STRIP2: variants seen among roughly 807,000 people sequenced by gnomAD.
STRIP2 encodes the protein striatin-interacting protein 2.
STRIP2 carries 84 observed loss-of-function variants against 107.1 expected under a neutral mutation model. That is an observed-to-expected ratio of 0.78 (90% CI 0.66 to 0.94). The LOEUF is 0.94. STRIP2 is among the 40% of genes least tolerant of loss of function. STRIP2 has a pLI of 0.00. For missense variants in STRIP2, 888 were observed against 1,034.2 expected (o/e 0.86, Z 1.94); for synonymous variants, 394 against 400.4 (o/e 0.98, Z 0.19).
At chr7:129,484,780 C>T (rs1799205743) in intron 20 of STRIP2, 8 of 152,140 alleles carry the variant, frequency 5.3e-5, no homozygotes, top group Admixed American at 5.2e-4. Flanking sequence ...TTTTAAAACA[C>T]AAAAATGTTT....
chr7:129,447,370 G>T (rs1798065064), intron 3 of STRIP2, among the ~76,000 whole-genome samples: 1 of 152,164 alleles, frequency 6.6e-6, no homozygotes, highest in Non-Finnish European at 1.5e-5. Flanking sequence ...ATCTCAACAG[G>T]TCCCACAGCA....
At chr7:129,474,306 A>G (rs562279200) in intron 18 of STRIP2, among the ~76,000 whole-genome samples, 1 of 152,124 alleles carries the variant, frequency 6.6e-6, no homozygotes, top group South Asian at 2.1e-4. Flanking sequence ...ATGCTTGGCT[A>G]ATTTTTAAAT....
chr7:129,434,446 C>T lies in STRIP2; in HGVS notation c.-27C>T, dbSNP rs974079812. ...GTCGCCTCCGGCAAAGCGAGCTGAA[C>T]CCTGAGGGGAGCCGCTGACCAGCAG... On this transcript the variant is annotated 5_prime_UTR_variant, in exon 1 of 21. Coordinates refer to ENST00000249344, the MANE Select transcript of STRIP2 (RefSeq NM_020704.3). The T allele has an allele frequency of 2.0e-6, 3 of 1,489,422 alleles. No individual in the cohort carries two copies. Among genetic ancestry groups the T allele is most frequent in the African/African-American group, 1.5e-5 (1 of 68,708 alleles). The allele number at this position is 1,489,422 out of a possible 1,614,324, so 92.3% of individuals were successfully genotyped here. A position where few individuals can be genotyped will look rare whatever the true frequency, so the allele number is the denominator to read the frequency against.
At position 129,451,649 on chromosome 7, in the gene STRIP2, C is replaced by T; in HGVS notation, c.311C>T (p.Ala104Val). 1 of 1,614,050 alleles carries T rather than the reference C, an allele frequency of 6.2e-7. No individual in the cohort carries two copies. ...GAATGGCTGGAGTTGGAAGAAGATGCCCAAAAGGCCTATATAATGGGACTC... is the reference window on the plus strand; with the variant it reads ...GAATGGCTGGAGTTGGAAGAAGATGTCCAAAAGGCCTATATAATGGGACTC... ...GKEWLELEEDAQKAYIMGLLD... is the reference protein window; with the variant it reads ...GKEWLELEEDVQKAYIMGLLD... The change falls in exon 4 of 21, where the codon GCC becomes GTC. Residue 104 changes from alanine to valine, a missense_variant. By Grantham distance (64) the Ala-to-Val change is moderately conservative. Coordinates refer to ENST00000249344, the MANE Select transcript of STRIP2 (RefSeq NM_020704.3).
intron 7 of STRIP2, among the ~76,000 whole-genome samples, chr7:129,454,988 T>C (rs1213977915): frequency 6.6e-6 from 1 of 152,256 alleles, no homozygotes; most frequent in African/African-American, 2.4e-5. Flanking sequence ...TTCATTATTG[T>C]TACTTCTAGT....
At chr7:129,450,318 G>T (rs866365314) in intron 3 of STRIP2, among the ~76,000 whole-genome samples, 6 of 152,104 alleles carry the variant, frequency 3.9e-5, no homozygotes, top group Non-Finnish European at 7.4e-5. Context: ...TAACCATGTA[G>T]CCTTTCCTTC....
chr7:129,451,700 G>A lies in STRIP2; in HGVS notation c.362G>A (p.Arg121Lys), dbSNP rs1554375611. ...GLLDRLEVVS[R>K]ERRLKVARAV... The stretch of plus-strand genomic sequence containing the variant: ...TTGGACCGGCTAGAGGTGGTCAGTA[G>A]GGAACGGCGGCTGAAGGTGGCCCGG... Residue 121 changes from arginine to lysine, a missense_variant, in exon 4 of 21, where the codon AGG (arginine) becomes AAG (lysine). Physicochemically the swap from Arg to Lys is conservative, Grantham distance 26. Coordinates refer to ENST00000249344, the MANE Select transcript of STRIP2 (RefSeq NM_020704.3). 6.2e-7 allele frequency: 1 copy of A among 1,614,092 alleles called. No homozygotes were observed. The highest frequency in any genetic ancestry group is 8.5e-7 in the Non-Finnish European group (1 of 1,180,038).
chr7:129,473,537 A>G (rs998693710), intron 18 of STRIP2, among the ~76,000 whole-genome samples: 2 of 151,876 alleles, frequency 1.3e-5, no homozygotes, highest in Non-Finnish European at 2.9e-5. Context: ...ATGCCAGGCT[A>G]ATTTTTGTAT....
intron 16 of STRIP2, among the ~76,000 whole-genome samples, chr7:129,465,975 T>C (rs1798662172): frequency 6.6e-6 from 1 of 152,244 alleles, no homozygotes; most frequent in South Asian, 2.1e-4. Context: ...TCCACTTTCA[T>C]ACATTCGAAG....
At chr7:129,480,611 G>A (rs1350958834) in intron 18 of STRIP2, among the ~76,000 whole-genome samples, 174 bp from the exon 19 acceptor site, 1 of 152,164 alleles carries the variant, frequency 6.6e-6, no homozygotes, top group Non-Finnish European at 1.5e-5. Flanking sequence ...GCAGCTGAGG[G>A]GGTTTTTAAA....
In STRIP2 at chr7:129,464,789, T is replaced by C. The variant is rs373688838; in HGVS notation, c.1776+51T>C. ...CAGGTCTTGGGTGTTTGCCAGGCCC[T>C]ATCTCTCAAAGGAAGGATGCAAAGT... On this transcript the variant is annotated intron_variant, in intron 16 of 20. Coordinates refer to ENST00000249344, the MANE Select transcript of STRIP2 (RefSeq NM_020704.3). 14 of 1,611,472 alleles carry C rather than the reference T, an allele frequency of 8.7e-6. No homozygotes were observed. In the African/African-American group the frequency reaches 1.6e-4, roughly 18 times the overall value.
Position 129,434,441 on chromosome 7 carries a change from C to T in STRIP2, c.-32C>T, listed in dbSNP as rs539515247. On this transcript the variant is annotated 5_prime_UTR_variant, in exon 1 of 21. Transcript: ENST00000249344. ...GTAGGGTCGCCTCCGGCAAAGCGAG[C>T]TGAACCCTGAGGGGAGCCGCTGACC... The T allele has an allele frequency of 1.4e-6, 2 of 1,469,674 alleles. No homozygotes were observed. Among genetic ancestry groups the T allele is most frequent in the Non-Finnish European group, 1.8e-6 (2 of 1,116,046 alleles). 91.0% of individuals were successfully genotyped at this position (1,469,674 alleles called of 1,614,324 possible). A position where few individuals can be genotyped will look rare whatever the true frequency, so the allele number is the denominator to read the frequency against.
chr7:129,483,029 A>G lies in STRIP2; in HGVS notation c.2237A>G (p.Asp746Gly). The change falls in exon 20 of 21, where the codon GAC (aspartate) becomes GGC (glycine). Residue 746 changes from aspartate to glycine, a missense_variant. Asp to Gly is a moderately conservative substitution (Grantham distance 94). Coordinates refer to ENST00000249344, the MANE Select transcript of STRIP2 (RefSeq NM_020704.3). This position sits in a 1 kb window ranked among gnomAD's most constrained non-coding sequence, Gnocchi z 5.1. ...AAAGTGCGTCACCGCATGAACGATG[A>G]CTGGGCTTACGGGAATGGTGAGTCT... ...YQKVRHRMND[D>G]WAYGNDIDAR... The G allele has an allele frequency of 6.2e-7, 1 of 1,614,206 alleles. No individual in the cohort carries two copies. Among genetic ancestry groups the G allele is most frequent in the South Asian group, 1.1e-5 (1 of 91,076 alleles).
intron 1 of STRIP2, among the ~76,000 whole-genome samples, chr7:129,437,800 TG>T (rs57120286): frequency 0.59 from 84,279 of 143,848 alleles, 25,363 homozygotes; most frequent in East Asian, 0.94. Flanking sequence ...TGATTCGCCT[TG>T]TTTTTTTTTG....
chr7:129,463,178 A>T (rs1481172792), intron 14 of STRIP2, 138 bp downstream of exon 14: 4 of 653,680 alleles, frequency 6.1e-6, no homozygotes, highest in Non-Finnish European at 1.0e-5. Flanking sequence ...TCTCTGACAC[A>T]TGCAAATTCT....
intron 2 of STRIP2, among the ~76,000 whole-genome samples, chr7:129,442,397 G>T (rs1797924956): frequency 6.6e-6 from 1 of 152,100 alleles, no homozygotes; most frequent in Admixed American, 6.6e-5. Context: ...GCTTGTGAAG[G>T]ATACACACCA....
chr7:129,464,167 C>T, intron 15 of STRIP2, 26 bp downstream of exon 15: 1 of 1,540,198 alleles, frequency 6.5e-7, no homozygotes, highest in Non-Finnish European at 8.9e-7. Flanking sequence ...GGGGCAGCTG[C>T]TGGATACTAG....
chr7:129,460,172 T>C lies in STRIP2; in HGVS notation c.1405-129T>C, dbSNP rs1798490934. 13 of 705,048 alleles carry C rather than the reference T, an allele frequency of 1.8e-5. No homozygotes were observed. The South Asian group carries it at 2.5e-4, about 13-fold the overall frequency. 43.7% of individuals were successfully genotyped at this position (705,048 alleles called of 1,614,324 possible). A position where few individuals can be genotyped will look rare whatever the true frequency, so the allele number is the denominator to read the frequency against. ...GATTAAGACTCCTTCCTTGAAAGAGTTCATGTCTATGTGGGGTAACAAACC... is the reference window on the plus strand; with the variant it reads ...GATTAAGACTCCTTCCTTGAAAGAGCTCATGTCTATGTGGGGTAACAAACC... On this transcript the variant is annotated intron_variant, in intron 12 of 20. Transcript: ENST00000249344.
At chr7:129,482,558 A>C (rs1406701465) in intron 19 of STRIP2, among the ~76,000 whole-genome samples, 1 of 151,594 alleles carries the variant, frequency 6.6e-6, no homozygotes, top group Admixed American at 6.6e-5. Flanking sequence ...TTGTATTTTT[A>C]GTAGAGATGG....
Sources: gnomAD v4.1 joint callset for allele counts (sites outside exome capture counted in the v4.1 genomes callset) on GRCh38, gnomAD v4.1.1 for gene constraint, Gnocchi (gnomAD v3.1) non-coding constraint, MANE v1.5 for transcripts, NCBI Gene and HGNC (gene_info 2026-07-23, HGNC 2026-07-21) for gene names.